Variants in DISC1 observed in about 807,000 individuals in gnomAD.
The protein encoded by DISC1 is DISC1 scaffold protein, also known as disrupted in schizophrenia 1 protein.
In DISC1, 57 loss-of-function variants were observed where a neutral mutation model predicts 84.5. The ratio of observed to expected loss-of-function variants is 0.67; its 90% CI spans 0.55 to 0.84. The LOEUF (loss-of-function observed/expected upper bound fraction) is 0.84. Ranked by LOEUF, DISC1 falls within the 40% of genes least tolerant of loss-of-function variation. The probability of loss-of-function intolerance (pLI) is 0.00; values close to 1 mark genes in which losing one functional copy is unlikely to be tolerated. For synonymous variants in DISC1, 411 were observed against 415.2 expected (o/e 0.99, Z 0.12); for missense variants, 1,000 against 1,057.8 (o/e 0.95, Z 0.76).
chr1:231,747,528 AGT>A (rs1490171669), intron 3 of DISC1, among the ~76,000 whole-genome samples: 2 of 152,172 alleles, frequency 1.3e-5, no homozygotes, highest in African/African-American at 2.4e-5. Context: ...TTCCCCGATT[AGT>A]GTTTGGAACC....
At chr1:231,798,587 G>A (rs1166228167) in intron 7 of DISC1, among the ~76,000 whole-genome samples, 1 of 152,178 alleles carries the variant, frequency 6.6e-6, no homozygotes, top group Non-Finnish European at 1.5e-5. Context: ...AGGATGGGAT[G>A]TGCCAGTCAT....
chr1:231,655,405 G>A (rs2060974866), intron 1 of DISC1, among the ~76,000 whole-genome samples: 1 of 152,118 alleles, frequency 6.6e-6, no homozygotes, highest in Non-Finnish European at 1.5e-5. Context: ...AGTTCCATCT[G>A]AGTTGCTGTA....
chr1:231,653,602 T>C (rs1378944971), intron 1 of DISC1, among the ~76,000 whole-genome samples: 1 of 152,130 alleles, frequency 6.6e-6, no homozygotes, highest in Non-Finnish European at 1.5e-5. Context: ...GGAAATACAT[T>C]TGGTGAATAC....
At chr1:231,797,100 T>G (rs1351251543) in intron 7 of DISC1, among the ~76,000 whole-genome samples, 1 of 152,190 alleles carries the variant, frequency 6.6e-6, no homozygotes, top group East Asian at 1.9e-4. Context: ...GGTCTGAGTT[T>G]ATTGACTATC....
In DISC1 at chr1:231,934,303, C is replaced by T. The variant is rs79510387; in HGVS notation, c.1982-24525C>T. On this transcript the variant is annotated intron_variant, in intron 9 of 12. Transcript: ENST00000439617. ...GTTAGTTAAATATTGAAATAAACTCCTTTACAATGTGTGGAAGTCTCAGCT... is the reference window on the plus strand; with the variant it reads ...GTTAGTTAAATATTGAAATAAACTCTTTTACAATGTGTGGAAGTCTCAGCT... 6.0e-3 allele frequency among the ~76,000 whole-genome samples: 912 copies of T among 152,272 alleles called. 15 individuals carry two copies. The highest frequency in any genetic ancestry group is 0.021 in the African/African-American group (877 of 41,552).
At chr1:231,874,100 T>C (rs937630254) in intron 9 of DISC1, among the ~76,000 whole-genome samples, 3 of 151,894 alleles carry the variant, frequency 2.0e-5, no homozygotes, top group African/African-American at 4.8e-5. Context: ...CACCTGCCTG[T>C]CGGCCTCCCA....
At chr1:231,668,790 G>A (rs2062275265) in intron 1 of DISC1, among the ~76,000 whole-genome samples, 1 of 152,220 alleles carries the variant, frequency 6.6e-6, no homozygotes, top group Non-Finnish European at 1.5e-5. Context: ...GAAGTGGTTT[G>A]AGACTGGCTG....
chr1:231,889,442 A>G (rs542223688), intron 9 of DISC1, among the ~76,000 whole-genome samples: 23 of 152,326 alleles, frequency 1.5e-4, no homozygotes, highest in Admixed American at 1.3e-3. Context: ...TCATTTTCCA[A>G]TCATCGCTGG....
At chr1:231,912,676 C>T (rs895155693) in intron 9 of DISC1, among the ~76,000 whole-genome samples, 3 of 152,320 alleles carry the variant, frequency 2.0e-5, no homozygotes, top group Admixed American at 2.0e-4. Context: ...TCTTAAACTG[C>T]ATGCTGGGAG....
chr1:231,872,840 G>T (rs1244760439), intron 9 of DISC1, among the ~76,000 whole-genome samples: 1 of 152,212 alleles, frequency 6.6e-6, no homozygotes, highest in African/African-American at 2.4e-5. Flanking sequence ...TTCAAGATAA[G>T]TGCATATTTC....
At chr1:232,023,507 G>T (rs1669159280) in intron 11 of DISC1, among the ~76,000 whole-genome samples, 3 of 152,008 alleles carry the variant, frequency 2.0e-5, no homozygotes, top group South Asian at 2.1e-4. Flanking sequence ...GAAATTATTG[G>T]GTCTTAAGAT....
Position 231,928,056 on chromosome 1 carries a change from A to G in DISC1, c.1982-30772A>G, listed in dbSNP as rs552385895. 9.2e-5 allele frequency among the ~76,000 whole-genome samples: 14 copies of G among 152,298 alleles called. No homozygotes were observed. The East Asian group carries it at 1.9e-3, about 21-fold the overall frequency. ...GTGAGCATGCACTCTGATTTAGGAA[A>G]CTTTTCTTGAGAGATTTATTCTATA... is the stretch of plus-strand genomic sequence containing the variant. On this transcript the variant is annotated intron_variant, in intron 9 of 12. Coordinates refer to ENST00000439617, the MANE Select transcript of DISC1 (RefSeq NM_018662.3).
At chr1:231,811,009 C>A (rs754981233) in intron 8 of DISC1, among the ~76,000 whole-genome samples, 2 of 152,124 alleles carry the variant, frequency 1.3e-5, no homozygotes, top group African/African-American at 2.4e-5. Flanking sequence ...TATGGCCTGG[C>A]TGTTGTCCGA....
intron 9 of DISC1, among the ~76,000 whole-genome samples, chr1:231,957,782 A>T (rs1012289137): frequency 1.3e-5 from 2 of 152,262 alleles, no homozygotes; most frequent in East Asian, 3.9e-4. Context: ...TAGTTTCTTT[A>T]TGAGGAATGG....
chr1:231,801,123 T>C (rs1345057237), intron 8 of DISC1, among the ~76,000 whole-genome samples: 2 of 152,132 alleles, frequency 1.3e-5, no homozygotes, highest in African/African-American at 4.8e-5. Flanking sequence ...CTCAGATCAT[T>C]AAACAACTAA....
intron 9 of DISC1, among the ~76,000 whole-genome samples, chr1:231,823,577 A>G (rs1446493402): frequency 6.6e-6 from 1 of 152,240 alleles, no homozygotes; most frequent in Non-Finnish European, 1.5e-5. Flanking sequence ...TTGAAAGCAT[A>G]GTGGAAAGTC....
intron 9 of DISC1, among the ~76,000 whole-genome samples, chr1:231,926,602 A>C (rs201546105): frequency 1.8e-4 from 27 of 152,208 alleles, no homozygotes; most frequent in Non-Finnish European, 3.2e-4. Flanking sequence ...TACCTGATCC[A>C]CTACAGGGAT....
At chr1:231,663,237 G>A (rs2061709618) in intron 1 of DISC1, among the ~76,000 whole-genome samples, 1 of 152,142 alleles carries the variant, frequency 6.6e-6, no homozygotes, top group South Asian at 2.1e-4. Flanking sequence ...ATTATATGTT[G>A]ATAAAAGGGT....
At chr1:232,003,735 T>G (rs1666995059) in intron 10 of DISC1, among the ~76,000 whole-genome samples, 1 of 151,898 alleles carries the variant, frequency 6.6e-6, no homozygotes. Flanking sequence ...TCTCAACCAG[T>G]ATGCAATAAA....
Sources: gnomAD v4.1 joint callset for allele counts (sites outside exome capture counted in the v4.1 genomes callset) on GRCh38, gnomAD v4.1.1 for gene constraint, MANE v1.5 for transcripts, NCBI Gene and HGNC (gene_info 2026-07-23, HGNC 2026-07-21) for gene names.